The following RAB31 variants were observed in gnomAD, a reference collection of about 807,000 sequenced individuals.
RAB31 encodes the protein RAB31, member RAS oncogene family, also known as ras-related protein Rab-31.
A neutral mutation model predicts 25.6 loss-of-function variants in RAB31; 21 were observed. That is an observed-to-expected ratio of 0.82 (90% confidence interval 0.58 to 1.18). The LOEUF (loss-of-function observed/expected upper bound fraction) is 1.18. RAB31 is among the 50% of genes most tolerant of loss of function. The probability of loss-of-function intolerance (pLI) is 0.00; values close to 1 mark genes in which losing one functional copy is unlikely to be tolerated. For missense variants in RAB31, 196 were observed against 250.1 expected (o/e 0.78, Z 1.46); for synonymous variants, 87 against 84.0 (o/e 1.04, Z -0.20).
At chr18:9,797,840 G>A (rs1174897883) in intron 3 of RAB31, among the ~76,000 whole-genome samples, 3 of 152,206 alleles carry the variant, frequency 2.0e-5, no homozygotes, top group African/African-American at 7.2e-5. Context: ...GATCAAAACA[G>A]AATGTTTAAC....
intron 2 of RAB31, among the ~76,000 whole-genome samples, chr18:9,778,101 A>G (rs1045357821): frequency 1.3e-5 from 2 of 152,164 alleles, no homozygotes; most frequent in Non-Finnish European, 2.9e-5. Flanking sequence ...TCATACCACA[A>G]ATTATGGGCA....
chr18:9,767,966 AGTGTTTG>A (rs998711704), intron 1 of RAB31, among the ~76,000 whole-genome samples: 7 of 151,828 alleles, frequency 4.6e-5, no homozygotes, highest in African/African-American at 1.7e-4. Flanking sequence ...GAGAACATAC[AGTGTTTG>A]GTTTTCTGTT....
At chr18:9,853,819 A>G (rs2068801116) in intron 6 of RAB31, among the ~76,000 whole-genome samples, 1 of 152,064 alleles carries the variant, frequency 6.6e-6, no homozygotes. Context: ...TTTTCACTCA[A>G]TTTTTTTCCA....
chr18:9,831,741 C>G (rs1394487852), intron 5 of RAB31, among the ~76,000 whole-genome samples: 1 of 152,228 alleles, frequency 6.6e-6, no homozygotes, highest in Non-Finnish European at 1.5e-5. Context: ...CAAGGCATTG[C>G]ATAAGTAATG....
intron 5 of RAB31, among the ~76,000 whole-genome samples, chr18:9,832,075 C>T (rs1398545349): frequency 1.3e-5 from 2 of 152,166 alleles, no homozygotes; most frequent in African/African-American, 4.8e-5. Flanking sequence ...GTGGATACGC[C>T]GAGCGATCTG....
intron 5 of RAB31, 113 bp from the exon 6 acceptor site, chr18:9,845,469 T>C: frequency 1.1e-6 from 1 of 908,178 alleles, no homozygotes. Flanking sequence ...ATTGAATTAT[T>C]ATTCTACAAG....
chr18:9,782,837 C>T (rs2068412069), intron 2 of RAB31, among the ~76,000 whole-genome samples: 1 of 152,184 alleles, frequency 6.6e-6, no homozygotes, highest in South Asian at 2.1e-4. Flanking sequence ...GCTGGGACCA[C>T]AGGTGTGAGC....
At chr18:9,728,804 G>T (rs1411371221) in intron 1 of RAB31, among the ~76,000 whole-genome samples, 1 of 152,170 alleles carries the variant, frequency 6.6e-6, no homozygotes, top group African/African-American at 2.4e-5. Context: ...TTCGCTAAGT[G>T]CTGGGATTAC....
intron 5 of RAB31, among the ~76,000 whole-genome samples, chr18:9,842,441 G>A (rs2068739310): frequency 6.6e-6 from 1 of 152,172 alleles, no homozygotes; most frequent in South Asian, 2.1e-4. Flanking sequence ...GAAACTCTGA[G>A]GGTTTGGGGA....
intron 1 of RAB31, among the ~76,000 whole-genome samples, chr18:9,728,379 T>C (rs2068105496): frequency 6.6e-6 from 1 of 152,248 alleles, no homozygotes; most frequent in Admixed American, 6.5e-5. Flanking sequence ...TGTGGGATTT[T>C]CTAGAAATAG....
At chr18:9,804,033 G>A (rs535080108) in intron 3 of RAB31, among the ~76,000 whole-genome samples, 1 of 151,870 alleles carries the variant, frequency 6.6e-6, no homozygotes, top group Non-Finnish European at 1.5e-5. Flanking sequence ...CCCTGAGCCC[G>A]GGAGGTGGCC....
chr18:9,850,180 G>A (rs1207493208), intron 6 of RAB31, among the ~76,000 whole-genome samples: 4 of 152,220 alleles, frequency 2.6e-5, no homozygotes, highest in East Asian at 1.9e-4. Context: ...TCTGTTTGCC[G>A]GAATGAGGAG....
At chr18:9,748,441 G>A (rs967414246) in intron 1 of RAB31, among the ~76,000 whole-genome samples, 2 of 152,126 alleles carry the variant, frequency 1.3e-5, no homozygotes, top group African/African-American at 4.8e-5. Context: ...AGAAGGTTGA[G>A]GCTACAGTAA....
chr18:9,770,769 C>T (rs777266234), intron 1 of RAB31, among the ~76,000 whole-genome samples: 4 of 152,076 alleles, frequency 2.6e-5, no homozygotes, highest in Non-Finnish European at 5.9e-5. Context: ...ATCTTCAGAG[C>T]CTGTCAGGCT....
chr18:9,745,644 C>T lies in RAB31; in HGVS notation c.40-29634C>T, dbSNP rs116048380. Among the ~76,000 whole-genome samples the T allele has an allele frequency of 1.9e-3, 295 of 152,208 alleles. 2 individuals carry two copies. The highest frequency in any genetic ancestry group is 6.9e-3 in the African/African-American group (285 of 41,536). ...GGTGGTTTGACATACTAAAACGGAT[C>T]GATGTAATACACCATATTAATAGAA... On this transcript the variant is annotated intron_variant, in intron 1 of 6. Transcript: ENST00000578921.
intron 1 of RAB31, among the ~76,000 whole-genome samples, chr18:9,731,946 A>C (rs1004412438): frequency 3.3e-5 from 5 of 152,194 alleles, no homozygotes; most frequent in Non-Finnish European, 7.3e-5. Context: ...ACAGATAGGA[A>C]TTGAACTCAG....
At chr18:9,763,013 G>A (rs926366997) in intron 1 of RAB31, among the ~76,000 whole-genome samples, 12 of 152,188 alleles carry the variant, frequency 7.9e-5, no homozygotes, top group Non-Finnish European at 1.2e-4. Flanking sequence ...CCAGCTCTGC[G>A]AGAATGAGAG....
At chr18:9,841,204 T>G (rs1161012573) in intron 5 of RAB31, among the ~76,000 whole-genome samples, 2 of 151,222 alleles carry the variant, frequency 1.3e-5, no homozygotes, top group Non-Finnish European at 2.9e-5. Context: ...AGTGCTGGGA[T>G]TACAGGCGTG....
rs141748446 is a variant in RAB31 at position 9,841,169 on chromosome 18, C to A, written c.381-4413C>A. Among the ~76,000 whole-genome samples, 785 of 152,056 alleles carry A rather than the reference C, an allele frequency of 5.2e-3. 5 individuals are homozygous for A. The highest frequency in any genetic ancestry group is 0.016 in the African/African-American group (673 of 41,538). On this transcript the variant is annotated intron_variant, in intron 5 of 6. Coordinates refer to ENST00000578921, the MANE Select transcript of RAB31 (RefSeq NM_006868.4). ...CTGGTCATGAACTCCTGATCTGGAG[C>A]GATGCTCCTGCCTTGACCTCCCAAA...
Sources: allele counts gnomAD v4.1 joint callset (sites outside exome capture counted in the v4.1 genomes callset), GRCh38; gene constraint gnomAD v4.1.1; transcripts MANE v1.5; gene names NCBI Gene and HGNC (gene_info 2026-07-23, HGNC 2026-07-21).